The following SNTB2 variants were observed in gnomAD, a reference collection of about 807,000 sequenced individuals.
SNTB2 encodes beta-2-syntrophin.
Under a neutral mutation model 46.2 loss-of-function variants are expected in SNTB2, and 34 were observed. The observed-to-expected ratio is 0.74, with a 90% CI of 0.56 to 0.98. The LOEUF (loss-of-function observed/expected upper bound fraction) is 0.98. Among genes scored for constraint, SNTB2 ranks in the 50% least tolerant of loss-of-function variants. The pLI is 0.00. For missense variants in SNTB2, 603 were observed against 731.4 expected, an observed-to-expected ratio of 0.82 and a Z score of 2.02; for synonymous variants, 290 against 312.6, an observed-to-expected ratio of 0.93 and a Z score of 0.76.
chr16:69,259,920 CTTTA>C (rs1273949128), intron 2 of SNTB2, 126 bp from the exon 3 acceptor site: 13 of 782,252 alleles, frequency 1.7e-5, no homozygotes, highest in Middle Eastern at 3.6e-4. Flanking sequence ...AAGAAAGTAT[CTTTA>C]TTTGAGTATA....
At position 69,187,241 on chromosome 16, in the gene SNTB2, G is replaced by T; in HGVS notation, c.75G>T (p.Ala25=). ...CGGTGTGGACGCGGGCCACCAAAGC[G>T]GGGCTGGTGGAGCTGCTCCTGAGGG... ...AMAVWTRATK[A]GLVELLLRER... The change falls in exon 1 of 7, where the codon GCG becomes GCT. Residue 25 remains alanine, a synonymous_variant. Transcript: ENST00000336278. 1 of 1,469,350 alleles carries T rather than the reference G, an allele frequency of 6.8e-7. No homozygotes were observed. The allele number at this position is 1,469,350 out of a possible 1,614,324, so 91.0% of individuals were successfully genotyped here. A position where few individuals can be genotyped will look rare whatever the true frequency, so the allele number is the denominator to read the frequency against.
At chr16:69,240,089 T>C (rs982591055) in intron 1 of SNTB2, among the ~76,000 whole-genome samples, 1 of 152,202 alleles carries the variant, frequency 6.6e-6, no homozygotes, top group African/African-American at 2.4e-5. Flanking sequence ...CTAAGAACAT[T>C]AGTGTACAGG....
intron 1 of SNTB2, among the ~76,000 whole-genome samples, chr16:69,210,020 T>C (rs1410154907): frequency 1.6e-5 from 2 of 123,988 alleles, no homozygotes; most frequent in South Asian, 2.8e-4. Flanking sequence ...TGTTATTTAA[T>C]TTTTTTTTTT....
At chr16:69,263,441 G>C (rs527639382) in intron 3 of SNTB2, among the ~76,000 whole-genome samples, 8 of 143,590 alleles carry the variant, frequency 5.6e-5, no homozygotes, top group African/African-American at 2.1e-4. Flanking sequence ...TTTTTGAGAC[G>C]GAGTTTCGCT....
chr16:69,297,512 G>C (rs1347828887), intron 5 of SNTB2, among the ~76,000 whole-genome samples: 1 of 151,810 alleles, frequency 6.6e-6, no homozygotes, highest in Non-Finnish European at 1.5e-5. Context: ...CAGCTACTCA[G>C]GAGGTTGAGG....
intron 3 of SNTB2, 133 bp downstream of exon 3, chr16:69,260,393 A>C: frequency 1.2e-6 from 1 of 828,174 alleles, no homozygotes; most frequent in Non-Finnish European, 1.9e-6. Flanking sequence ...TTTGTTTTTC[A>C]GTGTTTTGTT....
At chr16:69,263,180 C>T (rs1355691330) in intron 3 of SNTB2, among the ~76,000 whole-genome samples, 4 of 151,064 alleles carry the variant, frequency 2.6e-5, no homozygotes, top group Non-Finnish European at 5.9e-5. Context: ...AATCATGGCT[C>T]AGTGCAGCCT....
At chr16:69,292,382 TATATATATTA>T (rs1965173019) in intron 5 of SNTB2, among the ~76,000 whole-genome samples, 1 of 23,664 alleles carries the variant, frequency 4.2e-5, no homozygotes, top group Non-Finnish European at 6.8e-5. Context: ...ATATATATTA[TATATATATTA>T]TATATATATA....
chr16:69,202,686 G>A (rs1006787909), intron 1 of SNTB2, among the ~76,000 whole-genome samples: 3 of 151,590 alleles, frequency 2.0e-5, no homozygotes, highest in South Asian at 2.1e-4. Flanking sequence ...AGCAATTCTC[G>A]TGCTTCAGCC....
chr16:69,245,178 T>C (rs1964657492), intron 1 of SNTB2, among the ~76,000 whole-genome samples: 1 of 152,130 alleles, frequency 6.6e-6, no homozygotes, highest in South Asian at 2.1e-4. Flanking sequence ...CTTACTTTTT[T>C]CCCCCATTTT....
At chr16:69,299,146 C>CT (rs375905717) in intron 5 of SNTB2, among the ~76,000 whole-genome samples, 3,723 of 138,678 alleles carry the variant, frequency 0.027, 125 homozygotes, top group African/African-American at 0.082. Context: ...AAACACACTT[C>CT]TTTTTTTTTT....
chr16:69,257,150 G>A (rs1322213170), intron 2 of SNTB2, among the ~76,000 whole-genome samples: 4 of 141,614 alleles, frequency 2.8e-5, no homozygotes, highest in South Asian at 2.2e-4. Flanking sequence ...CAGCCTGGGC[G>A]AAGAGCGAGA....
At position 69,300,888 on chromosome 16, in the gene SNTB2, A is replaced by G; in HGVS notation, c.1587A>G (p.Leu529=). 3 of 1,613,950 alleles carry G rather than the reference A, an allele frequency of 1.9e-6. No homozygotes were observed. The highest frequency in any genetic ancestry group is 2.5e-6 in the Non-Finnish European group (3 of 1,179,880). ...TTGTATTTGTGTTGCACACGTTTTT[A>G]TCGGCCAAAGTCACTCGTATGGGAC... ...KPIVFVLHTF[L]SAKVTRMGLL... is the part of the protein sequence containing the mutation. Residue 529 remains leucine, a synonymous_variant, in exon 7 of 7, where the codon TTA becomes TTG. Coordinates refer to ENST00000336278, the MANE Select transcript of SNTB2 (RefSeq NM_006750.4).
intron 1 of SNTB2, among the ~76,000 whole-genome samples, chr16:69,201,254 G>A (rs1026067522): frequency 1.3e-5 from 2 of 152,154 alleles, no homozygotes; most frequent in African/African-American, 4.8e-5. Context: ...CATTGAAATA[G>A]TATTAATGTC....
Position 69,200,791 on chromosome 16 carries a change from A to T in SNTB2, c.580+13045A>T, listed in dbSNP as rs183363569. ...TGGCTTCCCAAATTTCTGGGATTAC[A>T]GGTGTGAGCCACCGAGTCTGGCCCT... is the stretch of plus-strand genomic sequence containing the variant. On this transcript the variant is annotated intron_variant, in intron 1 of 6. Coordinates refer to ENST00000336278, the MANE Select transcript of SNTB2 (RefSeq NM_006750.4). Among the ~76,000 whole-genome samples, 272 of 152,324 alleles carry T rather than the reference A, an allele frequency of 1.8e-3. 1 individual carries two copies. Among genetic ancestry groups the T allele is most frequent in the Non-Finnish European group, 3.0e-3 (202 of 68,026 alleles).
intron 5 of SNTB2, among the ~76,000 whole-genome samples, chr16:69,292,400 ATATATATT>A (rs1965175805): frequency 1.2e-4 from 3 of 24,492 alleles, no homozygotes; most frequent in African/African-American, 4.4e-4. Flanking sequence ...TTATATATAT[ATATATATT>A]ATATATATAT....
At chr16:69,248,869 C>CT (rs557681788) in intron 2 of SNTB2, among the ~76,000 whole-genome samples, 1,674 of 118,782 alleles carry the variant, frequency 0.014, 19 homozygotes, top group African/African-American at 0.033. Flanking sequence ...TAATCATGGG[C>CT]TTTTTTTTTT....
intron 1 of SNTB2, among the ~76,000 whole-genome samples, 158 bp downstream of exon 1, chr16:69,187,904 C>G (rs979302014): frequency 1.3e-5 from 2 of 152,144 alleles, no homozygotes; most frequent in African/African-American, 4.8e-5. Context: ...ACGGATGCTT[C>G]TTGCAGGAAA....
At chr16:69,293,873 G>A (rs570958607) in intron 5 of SNTB2, among the ~76,000 whole-genome samples, 14 of 152,314 alleles carry the variant, frequency 9.2e-5, no homozygotes, top group African/African-American at 2.9e-4. Flanking sequence ...GGAGGGAGAT[G>A]TAGAGCCTAT....
Sources: allele counts gnomAD v4.1 joint callset (sites outside exome capture counted in the v4.1 genomes callset), GRCh38; gene constraint gnomAD v4.1.1; transcripts MANE v1.5; gene names NCBI Gene and HGNC (gene_info 2026-07-23, HGNC 2026-07-21).